LRIG2: variants seen among roughly 807,000 people sequenced by gnomAD.
LRIG2 encodes leucine rich repeats and immunoglobulin like domains 2.
Under a neutral mutation model 107.8 loss-of-function variants are expected in LRIG2, and 93 were observed. The observed-to-expected ratio is 0.86, with a 90% confidence interval of 0.73 to 1.03. The LOEUF (loss-of-function observed/expected upper bound fraction) is 1.03. Ranked by LOEUF, LRIG2 falls within the 50% of genes least tolerant of loss-of-function variation. LRIG2 has a pLI of 0.00. For missense variants in LRIG2, 1,226 were observed against 1,296.0 expected, an observed-to-expected ratio of 0.95 and a Z score of 0.83; for synonymous variants, 471 against 470.6, an observed-to-expected ratio of 1.00 and a Z score of -0.01.
At chr1:113,081,179 G>C (rs1384336154) in intron 1 of LRIG2, among the ~76,000 whole-genome samples, 1 of 152,110 alleles carries the variant, frequency 6.6e-6, no homozygotes, top group Non-Finnish European at 1.5e-5. Context: ...ATCTGACTCT[G>C]CATCTGGGAT....
At position 113,073,278 on chromosome 1, in the gene LRIG2, A is replaced by C. The variant is rs906174158; in HGVS notation, c.-129A>C. 1.3e-6 allele frequency: 1 copy of C among 774,172 alleles called. No homozygotes were observed. The allele number at this position is 774,172 out of a possible 1,614,324, so 48.0% of individuals were successfully genotyped here. A position where few individuals can be genotyped will look rare whatever the true frequency, so the allele number is the denominator to read the frequency against. ...CTGCGTCTGCTCCTTGCATGCCTTT[A>C]GATGGTACAGCCTTCAGCCGGGGCT... On this transcript the variant is annotated 5_prime_UTR_variant, in exon 1 of 18. Transcript: ENST00000361127.
chr1:113,090,031 G>GGAT (rs1018929288), intron 1 of LRIG2, among the ~76,000 whole-genome samples: 18 of 151,794 alleles, frequency 1.2e-4, no homozygotes, highest in African/African-American at 4.3e-4. Flanking sequence ...TCCCTATCAA[G>GGAT]GATGTGGTCA....
intron 16 of LRIG2, among the ~76,000 whole-genome samples, 182 bp from the exon 17 acceptor site, chr1:113,119,051 A>T (rs919390570): frequency 6.6e-6 from 1 of 152,188 alleles, no homozygotes; most frequent in Non-Finnish European, 1.5e-5. Context: ...TACCTACCTC[A>T]TAGGGATGTT....
At position 113,091,341 on chromosome 1, in the gene LRIG2, C is replaced by T; in HGVS notation, c.263C>T (p.Ser88Phe). The T allele has an allele frequency of 6.2e-7, 1 of 1,605,604 alleles. No individual in the cohort carries two copies. The highest frequency in any genetic ancestry group is 2.2e-5 in the East Asian group (1 of 44,588). The change falls in exon 2 of 18, where the codon TCT (serine) becomes TTT (phenylalanine). Residue 88 changes from serine (S) to phenylalanine (F), a missense_variant. Transcript: ENST00000361127. ...AILDFSHNRLSNWNISLESQT... is the reference protein window; with the variant it reads ...AILDFSHNRLFNWNISLESQT... Reference sequence around the variant, plus strand: ...AGGGATTTCAGTCATAATCGGTTGTCTAACTGGAACATCAGCTTGGAATCA... The same window carrying T: ...AGGGATTTCAGTCATAATCGGTTGTTTAACTGGAACATCAGCTTGGAATCA...
At chr1:113,089,994 CTTTTT>C (rs531111261) in intron 1 of LRIG2, among the ~76,000 whole-genome samples, 1 of 143,626 alleles carries the variant, frequency 7.0e-6, no homozygotes, top group African/African-American at 2.5e-5. Context: ...TATGCCTGGC[CTTTTT>C]TTTTTTTAAA....
intron 7 of LRIG2, 67 bp downstream of exon 7, chr1:113,096,084 A>G (rs1654053631): frequency 6.2e-7 from 1 of 1,600,256 alleles, no homozygotes; most frequent in Non-Finnish European, 8.6e-7. Flanking sequence ...AATCATTCCC[A>G]TGGGCAGTAA....
At chr1:113,082,371 A>G (rs146394652) in intron 1 of LRIG2, among the ~76,000 whole-genome samples, 104 of 152,316 alleles carry the variant, frequency 6.8e-4, no homozygotes, top group Admixed American at 4.3e-3. Context: ...TTGTTACACA[A>G]TTATACCCTG....
intron 10 of LRIG2, 32 bp from the exon 11 acceptor site, chr1:113,100,388 G>T: frequency 1.4e-6 from 2 of 1,429,592 alleles, no homozygotes; most frequent in South Asian, 2.4e-5. Flanking sequence ...TAGAAATGGT[G>T]ACTGATAATG....
In LRIG2 at chr1:113,097,433, GA is replaced by G. The variant is rs200159535; in HGVS notation, c.1091+1070del. On this transcript the variant is annotated intron_variant, in intron 8 of 17. Coordinates refer to ENST00000361127, the MANE Select transcript of LRIG2 (RefSeq NM_014813.3). ...GAGAGGGAAAACAAGATAATTTTGT[GA>G]AGGGTATATACATGCACAGGTGTGT... Among the ~76,000 whole-genome samples, 8 of 32,662 alleles carry G rather than the reference GA, an allele frequency of 2.4e-4. No individual in the cohort carries two copies. In the Non-Finnish European group the frequency reaches 3.3e-3, roughly 13 times the overall value. 21.4% of individuals were successfully genotyped at this position (32,662 alleles called of 152,430 possible).
chr1:113,094,652 A>G lies in LRIG2; in HGVS notation c.700A>G (p.Thr234Ala). The G allele has an allele frequency of 6.2e-7, 1 of 1,613,988 alleles. No individual in the cohort carries two copies. The highest frequency in any genetic ancestry group is 1.3e-5 in the African/African-American group (1 of 75,060). Reference sequence around the variant, plus strand: ...CAGAATTAAAATTGTGGAAGGTCTTACATTCCAAGGGCTTGACTCCTTAAG... The same window carrying G: ...CAGAATTAAAATTGTGGAAGGTCTTGCATTCCAAGGGCTTGACTCCTTAAG... ...RNRIKIVEGL[T>A]FQGLDSLRSL... is the part of the protein sequence containing the mutation. Residue 234 changes from threonine (T) to alanine (A), a missense_variant, in exon 6 of 18, where the codon ACA becomes GCA. By Grantham distance (58) the Thr-to-Ala change is moderately conservative. This residue lies in a region of LRIG2 where 570 missense variants were observed against 550.2 expected (regional missense o/e 1.04). Coordinates refer to ENST00000361127, the MANE Select transcript of LRIG2 (RefSeq NM_014813.3).
At chr1:113,107,299 T>C (rs1654581095) in intron 11 of LRIG2, among the ~76,000 whole-genome samples, 2 of 152,190 alleles carry the variant, frequency 1.3e-5, no homozygotes, top group Admixed American at 1.3e-4. Context: ...AAAAAAGTCA[T>C]TTGCAGATTT....
At chr1:113,095,192 C>T (rs987786191) in intron 6 of LRIG2, among the ~76,000 whole-genome samples, 1 of 151,326 alleles carries the variant, frequency 6.6e-6, no homozygotes, top group Non-Finnish European at 1.5e-5. Context: ...AGGCTGATCT[C>T]GAACTCCTGA....
rs372334286 is a variant in LRIG2 at position 113,076,491 on chromosome 1, CTT to C, written c.239+2847_239+2848del. On this transcript the variant is annotated intron_variant, in intron 1 of 17. Coordinates refer to ENST00000361127, the MANE Select transcript of LRIG2 (RefSeq NM_014813.3). ...GACATTTTCAGTTGAAGTGAAATGA[CTT>C]AGAGAACAATTCAGTTGTAGAAATG... Among the ~76,000 whole-genome samples the C allele has an allele frequency of 2.7e-3, 411 of 152,230 alleles. 2 individuals are homozygous for C. Among genetic ancestry groups the C allele is most frequent in the African/African-American group, 8.8e-3 (364 of 41,528 alleles).
chr1:113,117,284 A>G (rs2101065027), intron 16 of LRIG2, among the ~76,000 whole-genome samples: 1 of 152,324 alleles, frequency 6.6e-6, no homozygotes, highest in Admixed American at 6.5e-5. Flanking sequence ...TAATTTTTAA[A>G]TAAAGAGACA....
intron 1 of LRIG2, among the ~76,000 whole-genome samples, chr1:113,085,166 G>A (rs972475928): frequency 6.6e-6 from 1 of 152,184 alleles, no homozygotes; most frequent in Non-Finnish European, 1.5e-5. Context: ...ACAAATAACT[G>A]GCAGAATAAT....
Position 113,073,455 on chromosome 1 carries a change from C to G in LRIG2, c.49C>G (p.Arg17Gly), listed in dbSNP as rs1247639925. The change falls in exon 1 of 18, where the codon CGA becomes GGA. Residue 17 changes from arginine (R) to glycine (G), a missense_variant. By Grantham distance (125) the Arg-to-Gly change is moderately radical. Transcript: ENST00000361127. Reference protein sequence around the residue: ...GVPEEQLLGCRSRVLSRLLFI... With the variant: ...GVPEEQLLGCGSRVLSRLLFI... The stretch of plus-strand genomic sequence containing the variant: ...CCCGGAGGAGCAGTTGCTGGGGTGT[C>G]GATCTAGAGTGCTTTCTCGGTTACT... The G allele has an allele frequency of 1.2e-6, 2 of 1,614,044 alleles. No homozygotes were observed. Among genetic ancestry groups the G allele is most frequent in the African/African-American group, 1.3e-5 (1 of 75,008 alleles).
chr1:113,097,487 A>G (rs1041943763), intron 8 of LRIG2, among the ~76,000 whole-genome samples: 3 of 152,148 alleles, frequency 2.0e-5, no homozygotes, highest in African/African-American at 4.8e-5. Flanking sequence ...ATTCCTTTAG[A>G]TTTGGCCTTG....
At chr1:113,089,019 TA>T (rs1653678475) in intron 1 of LRIG2, among the ~76,000 whole-genome samples, 1 of 152,242 alleles carries the variant, frequency 6.6e-6, no homozygotes, top group South Asian at 2.1e-4. Flanking sequence ...AGTGATGGTT[TA>T]ACACACAGCT....
rs1386562298 is a variant in LRIG2 at position 113,073,297 on chromosome 1, C to T, written c.-110C>T. The T allele has an allele frequency of 9.0e-6, 8 of 893,056 alleles. No homozygotes were observed. Among genetic ancestry groups the T allele is most frequent in the Non-Finnish European group, 1.4e-5 (8 of 554,470 alleles). The allele number at this position is 893,056 out of a possible 1,614,324, so 55.3% of individuals were successfully genotyped here. ...GCCTTTAGATGGTACAGCCTTCAGCCGGGGCTTCGGGAGACAGTGCAGCCA... is the reference window on the plus strand; with the variant it reads ...GCCTTTAGATGGTACAGCCTTCAGCTGGGGCTTCGGGAGACAGTGCAGCCA... On this transcript the variant is annotated 5_prime_UTR_variant, in exon 1 of 18. Transcript: ENST00000361127.
Sources: allele counts gnomAD v4.1 joint callset (sites outside exome capture counted in the v4.1 genomes callset), GRCh38; gene constraint gnomAD v4.1.1; regional missense constraint gnomAD v4.1.1; transcripts MANE v1.5; gene names NCBI Gene and HGNC (gene_info 2026-07-23, HGNC 2026-07-21).